The following ERBB4 variants were observed in gnomAD, a reference collection of about 807,000 sequenced individuals.
The protein encoded by ERBB4 is erb-b2 receptor tyrosine kinase 4.
A neutral mutation model predicts 158.0 loss-of-function variants in ERBB4; 42 were observed. The observed-to-expected ratio is 0.27, with a 90% CI of 0.21 to 0.34. ERBB4 has a LOEUF of 0.34. Ranked by LOEUF, ERBB4 falls within the 10% of genes least tolerant of loss-of-function variation. ERBB4 has a pLI of 1.00. For missense variants in ERBB4, 1,333 were observed against 1,624.1 expected (o/e 0.82, Z 3.08); for synonymous variants, 583 against 558.7 (o/e 1.04, Z -0.61).
chr2:211,918,116 A>G (rs1162283240), intron 3 of ERBB4, among the ~76,000 whole-genome samples: 1 of 152,170 alleles, frequency 6.6e-6, no homozygotes, highest in East Asian at 1.9e-4. Context: ...CTTCAAATAG[A>G]TGGGAATACA....
At chr2:211,833,261 C>T (rs1218463276) in intron 3 of ERBB4, among the ~76,000 whole-genome samples, 1 of 152,132 alleles carries the variant, frequency 6.6e-6, no homozygotes, top group Non-Finnish European at 1.5e-5. Flanking sequence ...AAGGCAGCTC[C>T]CTGACTGGTT....
At chr2:211,836,889 T>C (rs1022155234) in intron 3 of ERBB4, among the ~76,000 whole-genome samples, 1 of 152,012 alleles carries the variant, frequency 6.6e-6, no homozygotes, top group African/African-American at 2.4e-5. Context: ...AAATTATGTG[T>C]AACATACAAA....
At chr2:211,983,651 A>G (rs2081863281) in intron 2 of ERBB4, among the ~76,000 whole-genome samples, 1 of 152,194 alleles carries the variant, frequency 6.6e-6, no homozygotes, top group Admixed American at 6.5e-5. Flanking sequence ...TGTCATATTT[A>G]GAAATAAAAG....
chr2:211,701,740 G>A (rs925559500), intron 12 of ERBB4, among the ~76,000 whole-genome samples: 1 of 121,270 alleles, frequency 8.2e-6, no homozygotes, highest in Admixed American at 1.1e-4. Context: ...TGGGGCAACA[G>A]AGCGAGACTC....
chr2:212,224,095 T>TA (rs1339539815), intron 1 of ERBB4, among the ~76,000 whole-genome samples: 5 of 151,950 alleles, frequency 3.3e-5, no homozygotes, highest in African/African-American at 1.2e-4. Context: ...TTAAATGATA[T>TA]AATCAATCAT....
intron 20 of ERBB4, among the ~76,000 whole-genome samples, chr2:211,556,751 A>G (rs35633854): frequency 0.27 from 41,270 of 152,014 alleles, 6,679 homozygotes; most frequent in African/African-American, 0.44. Flanking sequence ...ACAGAACTAA[A>G]GAAAACTATT....
chr2:212,058,898 T>C (rs2125414979), intron 2 of ERBB4, among the ~76,000 whole-genome samples: 1 of 152,274 alleles, frequency 6.6e-6, no homozygotes, highest in South Asian at 2.1e-4. Context: ...GGATGCCCTC[T>C]CTCATCACTC....
chr2:211,574,500 T>C (rs904146873), intron 19 of ERBB4, among the ~76,000 whole-genome samples: 3 of 152,208 alleles, frequency 2.0e-5, no homozygotes, highest in African/African-American at 7.2e-5. Flanking sequence ...GTTTTAGGCA[T>C]AGGCAGTTTA....
chr2:212,130,336 T>C (rs1460824940), intron 1 of ERBB4, among the ~76,000 whole-genome samples: 1 of 152,164 alleles, frequency 6.6e-6, no homozygotes, highest in Non-Finnish European at 1.5e-5. Context: ...TCTATTTGTA[T>C]TGATTCTGTT....
intron 1 of ERBB4, among the ~76,000 whole-genome samples, chr2:212,494,534 A>T (rs1690454022): frequency 6.6e-6 from 1 of 152,004 alleles, no homozygotes; most frequent in South Asian, 2.1e-4. Flanking sequence ...TACTTTAGGC[A>T]ATTAACTCCA....
chr2:211,790,210 C>T (rs951917569), intron 3 of ERBB4, among the ~76,000 whole-genome samples: 10 of 151,888 alleles, frequency 6.6e-5, no homozygotes, highest in African/African-American at 2.2e-4. Context: ...TTAGGTGATG[C>T]TCTTCTGCTC....
At chr2:211,460,074 C>A (rs983765851) in intron 20 of ERBB4, among the ~76,000 whole-genome samples, 1 of 132,002 alleles carries the variant, frequency 7.6e-6, no homozygotes, top group African/African-American at 2.5e-5. Flanking sequence ...TAATAACCAC[C>A]TTTTTCATGA....
In ERBB4 at chr2:211,987,341, A is replaced by AAAAAAAAAAAAAAAG. The variant is rs1215048952; in HGVS notation, c.235-39726_235-39725insCTTTTTTTTTTTTTT. On this transcript the variant is annotated intron_variant, in intron 2 of 27. Transcript: ENST00000342788. ...ATCTCAAGAAAAGACAAAAAAAAAA[A>AAAAAAAAAAAAAAAG]AAAGAAAGAAATCTATCACCCATGA... Among the ~76,000 whole-genome samples, 319 of 124,326 alleles carry AAAAAAAAAAAAAAAG rather than the reference A, an allele frequency of 2.6e-3. 1 individual carries two copies. The highest frequency in any genetic ancestry group is 3.9e-3 in the Non-Finnish European group (239 of 60,864). The allele number at this position is 124,326 out of a possible 152,430, so 81.6% of individuals were successfully genotyped here. A position where few individuals can be genotyped will look rare whatever the true frequency, so the allele number is the denominator to read the frequency against.
At chr2:212,442,801 A>T (rs548098148) in intron 1 of ERBB4, among the ~76,000 whole-genome samples, 2 of 152,280 alleles carry the variant, frequency 1.3e-5, no homozygotes, top group Admixed American at 6.5e-5. Flanking sequence ...TCTACCTAGA[A>T]AAATCATAAA....
intron 3 of ERBB4, among the ~76,000 whole-genome samples, chr2:211,904,227 A>C (rs1440149658): frequency 1.3e-5 from 2 of 152,132 alleles, no homozygotes; most frequent in African/African-American, 2.4e-5. Flanking sequence ...AAACATGCAC[A>C]CAGAGCATAA....
chr2:212,074,243 G>T (rs1299994501), intron 2 of ERBB4, among the ~76,000 whole-genome samples: 1 of 151,974 alleles, frequency 6.6e-6, no homozygotes, highest in Non-Finnish European at 1.5e-5. Context: ...ATGATGGGTG[G>T]CAAATGCCAA....
intron 2 of ERBB4, among the ~76,000 whole-genome samples, chr2:212,112,940 C>T (rs1419743503): frequency 1.3e-5 from 2 of 152,146 alleles, no homozygotes; most frequent in Non-Finnish European, 2.9e-5. Flanking sequence ...GTTCACTGAA[C>T]ATTTACTCTG....
intron 1 of ERBB4, among the ~76,000 whole-genome samples, chr2:212,504,360 C>T (rs945245824): frequency 8.6e-5 from 13 of 152,040 alleles, no homozygotes; most frequent in African/African-American, 3.1e-4. Flanking sequence ...AGCAAGATTT[C>T]AGCCCCCTAA....
intron 1 of ERBB4, among the ~76,000 whole-genome samples, chr2:212,445,536 CA>C (rs1193218795): frequency 7.2e-5 from 11 of 152,116 alleles, no homozygotes; most frequent in Admixed American, 1.3e-4. Flanking sequence ...GAGGGAGTTA[CA>C]GTGTTGGCTG....
Sources: gnomAD v4.1 joint callset for allele counts (sites outside exome capture counted in the v4.1 genomes callset) on GRCh38, gnomAD v4.1.1 for gene constraint, MANE v1.5 for transcripts, NCBI Gene and HGNC (gene_info 2026-07-23, HGNC 2026-07-21) for gene names.